Variants in GALNTL6 observed in about 807,000 individuals in gnomAD.
The protein encoded by GALNTL6 is polypeptide N-acetylgalactosaminyltransferase like 6.
A neutral mutation model predicts 73.7 loss-of-function variants in GALNTL6; 46 were observed. The ratio of observed to expected loss-of-function variants is 0.62; its 90% CI spans 0.49 to 0.80. GALNTL6 has a LOEUF of 0.80. Ranked by LOEUF, GALNTL6 falls within the 30% of genes least tolerant of loss-of-function variation. GALNTL6 has a pLI of 0.00. For missense variants in GALNTL6, 604 were observed against 755.0 expected, an observed-to-expected ratio of 0.80 and a Z score of 2.34; for synonymous variants, 259 against 263.7, an observed-to-expected ratio of 0.98 and a Z score of 0.17.
intron 3 of GALNTL6, among the ~76,000 whole-genome samples, chr4:172,268,963 G>A (rs1738545007): frequency 6.6e-6 from 1 of 152,058 alleles, no homozygotes; most frequent in Non-Finnish European, 1.5e-5. Flanking sequence ...TGTTATAGCA[G>A]CCCAAGTTGA....
intron 5 of GALNTL6, among the ~76,000 whole-genome samples, chr4:172,463,634 T>C (rs948511532): frequency 1.3e-5 from 2 of 152,194 alleles, no homozygotes. Context: ...GAGAGATACA[T>C]ACAAAATAAA....
In GALNTL6 at chr4:172,809,291, A is replaced by G. The variant is rs1489743181; in HGVS notation, c.554-70A>G. 1.6e-6 allele frequency: 2 copies of G among 1,279,848 alleles called. No individual in the cohort carries two copies. The highest frequency in any genetic ancestry group is 2.9e-5 in the African/African-American group (2 of 68,334). The allele number at this position is 1,279,848 out of a possible 1,614,324, so 79.3% of individuals were successfully genotyped here. ...TCAGTCACATACTCTCTATGCACAA[A>G]CAACCGTGAATAATTCAGCTGCAAC... is the stretch of plus-strand genomic sequence containing the variant. On this transcript the variant is annotated intron_variant, in intron 5 of 12. Coordinates refer to ENST00000506823, the MANE Select transcript of GALNTL6 (RefSeq NM_001034845.3). The surrounding 1 kb of genome is among the most constrained non-coding windows in gnomAD (Gnocchi z 4.4).
chr4:171,980,427 A>T (rs1739861719), intron 2 of GALNTL6, among the ~76,000 whole-genome samples: 1 of 152,218 alleles, frequency 6.6e-6, no homozygotes, highest in Non-Finnish European at 1.5e-5. Flanking sequence ...GAAAATGATT[A>T]AAGAGGAGAT....
At chr4:172,333,346 A>G (rs1043928093) in intron 4 of GALNTL6, among the ~76,000 whole-genome samples, 1 of 152,178 alleles carries the variant, frequency 6.6e-6, no homozygotes, top group African/African-American at 2.4e-5. Context: ...TGGAGGTTGC[A>G]GTGAGCCGAG....
At chr4:171,913,877 C>T (rs1737541369) in intron 2 of GALNTL6, among the ~76,000 whole-genome samples, 1 of 152,154 alleles carries the variant, frequency 6.6e-6, no homozygotes, top group East Asian at 1.9e-4. Context: ...CTCATCAACA[C>T]TTCCTTTTCA....
chr4:171,997,341 A>G (rs1740524096), intron 2 of GALNTL6, among the ~76,000 whole-genome samples: 1 of 152,040 alleles, frequency 6.6e-6, no homozygotes, highest in South Asian at 2.1e-4. Flanking sequence ...CATCAAAGTT[A>G]CTTTATGAAG....
At chr4:172,358,916 C>T (rs1178956920) in intron 5 of GALNTL6, among the ~76,000 whole-genome samples, 1 of 143,736 alleles carries the variant, frequency 7.0e-6, no homozygotes, top group East Asian at 2.1e-4. Context: ...AAAGAGAGCA[C>T]TTATACACTA....
chr4:172,499,841 G>A (rs558595958), intron 5 of GALNTL6, among the ~76,000 whole-genome samples: 16 of 152,226 alleles, frequency 1.1e-4, no homozygotes, highest in African/African-American at 3.1e-4. Flanking sequence ...CTTGAGGATA[G>A]GTCACTCTAT....
intron 2 of GALNTL6, among the ~76,000 whole-genome samples, chr4:172,175,377 A>G (rs530309969): frequency 1.3e-5 from 2 of 152,288 alleles, no homozygotes; most frequent in African/African-American, 2.4e-5. Flanking sequence ...AATTATAGGT[A>G]TGAGCCACAG....
At chr4:172,372,494 C>A (rs1395649582) in intron 5 of GALNTL6, among the ~76,000 whole-genome samples, 1 of 152,194 alleles carries the variant, frequency 6.6e-6, no homozygotes, top group Non-Finnish European at 1.5e-5. Context: ...GCCACCGCCA[C>A]AACTACCCGT....
chr4:172,040,563 G>A (rs72698957), intron 2 of GALNTL6, among the ~76,000 whole-genome samples: 6,250 of 152,112 alleles, frequency 0.041, 232 homozygotes, highest in African/African-American at 0.096. Context: ...TGCCATTAAT[G>A]ATGACTAATA....
intron 3 of GALNTL6, among the ~76,000 whole-genome samples, chr4:172,239,286 T>C (rs1424634547): frequency 6.6e-6 from 1 of 152,234 alleles, no homozygotes; most frequent in African/African-American, 2.4e-5. Context: ...ATTATTGGTC[T>C]ATTCATGATT....
chr4:172,386,790 G>A (rs925610120), intron 5 of GALNTL6, among the ~76,000 whole-genome samples: 4 of 151,958 alleles, frequency 2.6e-5, no homozygotes, highest in Non-Finnish European at 5.9e-5. Context: ...CTGCTTTTTG[G>A]TTCCAAGCTT....
chr4:172,413,319 C>T (rs1331266490), intron 5 of GALNTL6, among the ~76,000 whole-genome samples: 4 of 152,310 alleles, frequency 2.6e-5, no homozygotes, highest in African/African-American at 4.8e-5. Flanking sequence ...TTGATTACAG[C>T]GTCTTGATTT....
At chr4:172,716,996 T>A (rs1349464356) in intron 5 of GALNTL6, among the ~76,000 whole-genome samples, 1 of 152,186 alleles carries the variant, frequency 6.6e-6, no homozygotes, top group Non-Finnish European at 1.5e-5. Flanking sequence ...TAGTTTTAAG[T>A]CAGCACCAAA....
At chr4:172,583,893 CA>C (rs57722016) in intron 5 of GALNTL6, among the ~76,000 whole-genome samples, 1,294 of 31,546 alleles carry the variant, frequency 0.041, 14 homozygotes, top group African/African-American at 0.064. Context: ...GACTCTGTCT[CA>C]AAAAAAAAAA....
At chr4:172,956,464 T>C (rs1028575591) in intron 10 of GALNTL6, among the ~76,000 whole-genome samples, 4 of 152,150 alleles carry the variant, frequency 2.6e-5, no homozygotes, top group African/African-American at 9.7e-5. Flanking sequence ...AGATTATTTA[T>C]TTACTTTAAG....
chr4:171,967,298 A>G (rs1739412035), intron 2 of GALNTL6, among the ~76,000 whole-genome samples: 1 of 152,196 alleles, frequency 6.6e-6, no homozygotes, highest in African/African-American at 2.4e-5. Context: ...TTTGTGGTAA[A>G]CGATGGATCA....
At chr4:171,966,743 G>C (rs57623342) in intron 2 of GALNTL6, among the ~76,000 whole-genome samples, 3,550 of 152,198 alleles carry the variant, frequency 0.023, 151 homozygotes, top group African/African-American at 0.081. Flanking sequence ...GCTGAACCCT[G>C]ATCCCAATTC....
Sources: gnomAD v4.1 joint callset for allele counts (sites outside exome capture counted in the v4.1 genomes callset) on GRCh38, gnomAD v4.1.1 for gene constraint, Gnocchi (gnomAD v3.1) non-coding constraint, MANE v1.5 for transcripts, NCBI Gene and HGNC (gene_info 2026-07-23, HGNC 2026-07-21) for gene names.